Variants in PPP2R5C observed in about 807,000 individuals in gnomAD.
PPP2R5C encodes the protein protein phosphatase 2 regulatory subunit B'gamma, also known as serine/threonine-protein phosphatase 2A 56 kDa regulatory subunit gamma isoform.
A neutral mutation model predicts 68.9 loss-of-function variants in PPP2R5C; 7 were observed. That is an observed-to-expected ratio of 0.10 (90% CI 0.06 to 0.19). The LOEUF (loss-of-function observed/expected upper bound fraction) is 0.19. Among genes scored for constraint, PPP2R5C ranks in the 10% least tolerant of loss-of-function variants. The probability of loss-of-function intolerance (pLI) is 1.00; values close to 1 mark genes in which losing one functional copy is unlikely to be tolerated. For synonymous variants in PPP2R5C, 210 were observed against 222.2 expected (o/e 0.95, Z 0.49); for missense variants, 348 against 641.3 (o/e 0.54, Z 4.94).
At chr14:101,816,866 TTATTTA>T (rs1566864021) in intron 1 of PPP2R5C, among the ~76,000 whole-genome samples, 1 of 140,368 alleles carries the variant, frequency 7.1e-6, no homozygotes, top group Non-Finnish European at 1.5e-5. Context: ...ATATATATAT[TTATTTA>T]TATATATATT....
chr14:101,920,987 A>G (rs1350059675), intron 13 of PPP2R5C: 1 of 158,216 alleles, frequency 6.3e-6, no homozygotes, highest in Non-Finnish European at 1.4e-5. Context: ...GTTGAATTCA[A>G]CCTATCCAGA....
rs1025995950 is a variant in PPP2R5C at position 101,877,115 on chromosome 14, A to C, written c.295-5046A>C. ...AGGCACCCACCACCACACCCAGCTA[A>C]GTTTTGTATTTTTAGTGGAGATGGG... On this transcript the variant is annotated intron_variant, in intron 2 of 13. Coordinates refer to ENST00000334743, the Ensembl canonical transcript of PPP2R5C. The surrounding 1 kb of genome is among the most constrained non-coding windows in gnomAD (Gnocchi z 4.2). Among the ~76,000 whole-genome samples the C allele has an allele frequency of 6.6e-6, 1 of 151,650 alleles. No individual in the cohort carries two copies. Among genetic ancestry groups the C allele is most frequent in the Non-Finnish European group, 1.5e-5 (1 of 67,906 alleles).
intron 1 of PPP2R5C, chr14:101,824,342 CGGGGAA>C: frequency 2.6e-6 from 1 of 383,652 alleles, no homozygotes; most frequent in Non-Finnish European, 4.4e-6. Context: ...CATTTGTCTA[CGGGGAA>C]ACAGTAGGAA....
chr14:101,890,202 G>A, intron 5 of PPP2R5C, 35 bp from the exon 8 acceptor site: 3 of 1,567,154 alleles, frequency 1.9e-6, no homozygotes, highest in South Asian at 1.1e-5. Context: ...GGTTAGTTCA[G>A]TGTCTAATTC....
chr14:101,775,144 G>T (rs1185096779), intron 2 of PPP2R5C, among the ~76,000 whole-genome samples: 1 of 152,170 alleles, frequency 6.6e-6, no homozygotes, highest in East Asian at 1.9e-4. Context: ...TGTGGAAGAG[G>T]TATCTTTTTT....
intron 1 of PPP2R5C, chr14:101,820,882 T>G (rs2040011453): frequency 6.6e-6 from 1 of 152,132 alleles, no homozygotes; most frequent in African/African-American, 2.4e-5. Flanking sequence ...TTTTTAAAAT[T>G]TTCAAGTATG....
rs569455453 is a variant in PPP2R5C at position 101,844,958 on chromosome 14, G to A, written c.95-11728G>A. On this transcript the variant is annotated intron_variant, in intron 1 of 13. Coordinates refer to ENST00000334743, the Ensembl canonical transcript of PPP2R5C. ...TGAAAGTGGAAGATGAAGCGATAACGGGCTGCACGAAGGGTGTTGAGCATT... is the reference window on the plus strand; with the variant it reads ...TGAAAGTGGAAGATGAAGCGATAACAGGCTGCACGAAGGGTGTTGAGCATT... Among the ~76,000 whole-genome samples the A allele has an allele frequency of 2.9e-3, 446 of 152,162 alleles. 10 individuals are homozygous for A. Among genetic ancestry groups the A allele is most frequent in the Non-Finnish European group, 1.3e-3 (90 of 68,006 alleles).
intron 1 of PPP2R5C, among the ~76,000 whole-genome samples, chr14:101,853,587 T>C (rs950390633): frequency 6.6e-6 from 1 of 152,228 alleles, no homozygotes; most frequent in African/African-American, 2.4e-5. Context: ...TTAGGGCATT[T>C]TGAGGCATGT....
rs1332742836 is a variant in PPP2R5C at position 101,801,543 on chromosome 14, G to GTTAAA, written c.259+15360_259+15361insTTAAA. 5.9e-5 allele frequency among the ~76,000 whole-genome samples: 9 copies of GTTAAA among 152,164 alleles called. No homozygotes were observed. The South Asian group carries it at 1.9e-3, about 32-fold the overall frequency. On this transcript the variant is annotated intron_variant, in intron 3 of 14. Transcript: ENST00000328724. ...ACTAGGTATGTGGGATAATCCCTTTGGCATTAAAGTAGTTTCCAGTATTTT... is the reference window on the plus strand; with the variant it reads ...ACTAGGTATGTGGGATAATCCCTTTGTTAAAGCATTAAAGTAGTTTCCAGTATTTT...
rs1455716675 is a variant in PPP2R5C at position 101,781,164 on chromosome 14, T to TC, written c.94-4853dup. 1.3e-5 allele frequency among the ~76,000 whole-genome samples: 2 copies of TC among 152,102 alleles called. No individual in the cohort carries two copies. The highest frequency in any genetic ancestry group is 4.8e-5 in the African/African-American group (2 of 41,402). On this transcript the variant is annotated intron_variant, in intron 2 of 14. Transcript: ENST00000328724. This position sits in a 1 kb window ranked among gnomAD's most constrained non-coding sequence, Gnocchi z 6.4. Reference sequence around the variant, plus strand: ...ATCAGAGCAGGGAGGGAGCCGGGTGTCGGGGCTGCGGCAGGGTCCCCACCG... The same window carrying TC: ...ATCAGAGCAGGGAGGGAGCCGGGTGTCCGGGGCTGCGGCAGGGTCCCCACCG...
At chr14:101,902,894 G>A (rs1166404088) in intron 9 of PPP2R5C, among the ~76,000 whole-genome samples, 1 of 152,140 alleles carries the variant, frequency 6.6e-6, no homozygotes, top group Non-Finnish European at 1.5e-5. Flanking sequence ...AGGCTGAGTC[G>A]GGTTAAAGGA....
At chr14:101,904,417 T>C (rs2045905934) in intron 9 of PPP2R5C, among the ~76,000 whole-genome samples, 1 of 152,220 alleles carries the variant, frequency 6.6e-6, no homozygotes, top group African/African-American at 2.4e-5. Flanking sequence ...CCCAAAGTGC[T>C]GGGATTACAG....
chr14:101,790,684 A>C (rs914894281), intron 3 of PPP2R5C, among the ~76,000 whole-genome samples: 1 of 152,226 alleles, frequency 6.6e-6, no homozygotes, highest in Non-Finnish European at 1.5e-5. Flanking sequence ...TGCTGCTGTG[A>C]ACATTTGCAT....
At chr14:101,829,522 A>G (rs1255580701) in intron 1 of PPP2R5C, among the ~76,000 whole-genome samples, 3 of 152,214 alleles carry the variant, frequency 2.0e-5, no homozygotes, top group Non-Finnish European at 4.4e-5. Context: ...TCCTGAAGTA[A>G]TTGAGCTTGT....
At chr14:101,897,511 T>G (rs544414552) in intron 8 of PPP2R5C, among the ~76,000 whole-genome samples, 10 of 152,078 alleles carry the variant, frequency 6.6e-5, no homozygotes, top group African/African-American at 2.4e-4. Flanking sequence ...GCTGAGGAAC[T>G]TGGATTCCGA....
At chr14:101,814,463 C>T (rs2039543821) in intron 1 of PPP2R5C, among the ~76,000 whole-genome samples, 1 of 152,152 alleles carries the variant, frequency 6.6e-6, no homozygotes, top group Non-Finnish European at 1.5e-5. Flanking sequence ...GTCTGTACAC[C>T]TTTTTGTTCC....
chr14:101,763,818 A>T (rs1029281809), intron 2 of PPP2R5C, among the ~76,000 whole-genome samples: 1 of 152,208 alleles, frequency 6.6e-6, no homozygotes, highest in Non-Finnish European at 1.5e-5. Context: ...CTTCCATTGC[A>T]AGCTGCCAGG....
chr14:101,789,520 T>G (rs1296447227), intron 3 of PPP2R5C, among the ~76,000 whole-genome samples: 2 of 152,264 alleles, frequency 1.3e-5, no homozygotes, highest in Non-Finnish European at 2.9e-5. Context: ...GACAGATTTT[T>G]CTGGTTTTGA....
intron 13 of PPP2R5C, among the ~76,000 whole-genome samples, chr14:101,921,823 G>T (rs1172706439): frequency 6.6e-6 from 1 of 152,192 alleles, no homozygotes; most frequent in Non-Finnish European, 1.5e-5. Context: ...CTGGATTTTT[G>T]TGGAGAAATT....
Sources: gnomAD v4.1 joint callset for allele counts (sites outside exome capture counted in the v4.1 genomes callset) on GRCh38, gnomAD v4.1.1 for gene constraint, Gnocchi (gnomAD v3.1) non-coding constraint, MANE v1.5 for transcripts, NCBI Gene and HGNC (gene_info 2026-07-23, HGNC 2026-07-21) for gene names.